The following SEC14L2 variants were observed in gnomAD, a reference collection of about 807,000 sequenced individuals.
SEC14L2 encodes the protein SEC14-like protein 2.
SEC14L2 carries 50 observed loss-of-function variants against 56.9 expected under a neutral mutation model. The observed-to-expected ratio is 0.88, with a 90% CI of 0.70 to 1.11. The LOEUF (loss-of-function observed/expected upper bound fraction) is 1.11, where lower values mean the gene tolerates loss of function less well. Among genes scored for constraint, SEC14L2 ranks in the 50% most tolerant of loss-of-function variants. The pLI, the probability that SEC14L2 is intolerant of heterozygous loss-of-function variation, is 0.00. For synonymous variants in SEC14L2, 179 were observed against 188.5 expected, an observed-to-expected ratio of 0.95 and a Z score of 0.41; for missense variants, 414 against 500.7, an observed-to-expected ratio of 0.83 and a Z score of 1.65.
At chr22:30,407,733 T>A (rs1321487575) in intron 5 of SEC14L2, 130 bp downstream of exon 5, 3 of 781,280 alleles carry the variant, frequency 3.8e-6, no homozygotes, top group Non-Finnish European at 5.5e-6. Context: ...TTTTTTTTAA[T>A]TTTTAAAACT....
intron 11 of SEC14L2, 91 bp downstream of exon 11, chr22:30,416,494 A>G (rs762468444): frequency 6.9e-6 from 11 of 1,603,926 alleles, no homozygotes; most frequent in Non-Finnish European, 9.4e-6. Flanking sequence ...TTTGGCTCTG[A>G]GTGTTAGAAC....
intron 3 of SEC14L2, 74 bp downstream of exon 3, chr22:30,406,459 C>T (rs1353102128): frequency 5.6e-6 from 8 of 1,432,988 alleles, no homozygotes; most frequent in African/African-American, 2.8e-5. Context: ...TTTTGCCGCA[C>T]CTCCCATCCC....
At chr22:30,398,204 A>G (rs1353756540) in intron 1 of SEC14L2, among the ~76,000 whole-genome samples, 2 of 152,124 alleles carry the variant, frequency 1.3e-5, no homozygotes, top group Non-Finnish European at 2.9e-5. Flanking sequence ...TTTACTGCTG[A>G]CTCGCAGGAG....
At chr22:30,416,470 T>C (rs1934395210) in intron 11 of SEC14L2, 67 bp downstream of exon 11, 4 of 1,612,738 alleles carry the variant, frequency 2.5e-6, no homozygotes, top group Admixed American at 1.7e-5. Context: ...GAGGTTCCTC[T>C]TCCTCCATGG....
At chr22:30,411,155 G>A (rs1287927534) in intron 8 of SEC14L2, among the ~76,000 whole-genome samples, 1 of 152,170 alleles carries the variant, frequency 6.6e-6, no homozygotes. Flanking sequence ...TTAGCTATTT[G>A]GAGGCTTAGG....
chr22:30,411,742 C>CAGAAAAAAAAA (rs1934254241), intron 8 of SEC14L2, among the ~76,000 whole-genome samples: 1 of 67,810 alleles, frequency 1.5e-5, no homozygotes, highest in Non-Finnish European at 2.5e-5. Flanking sequence ...GACTCCGTCT[C>CAGAAAAAAAAA]AAAAAAAAAA....
chr22:30,402,571 G>C (rs1190519742), intron 2 of SEC14L2, among the ~76,000 whole-genome samples: 3 of 152,058 alleles, frequency 2.0e-5, no homozygotes, highest in Non-Finnish European at 4.4e-5. Context: ...CAGAAACCTA[G>C]GACTCCAGAC....
chr22:30,403,231 A>T (rs1933990371), intron 2 of SEC14L2, among the ~76,000 whole-genome samples: 1 of 151,930 alleles, frequency 6.6e-6, no homozygotes, highest in Non-Finnish European at 1.5e-5. Context: ...CCCTTTCTCC[A>T]CTGAGGGCTT....
chr22:30,406,724 C>G (rs1008995562), intron 3 of SEC14L2, among the ~76,000 whole-genome samples: 2 of 152,138 alleles, frequency 1.3e-5, no homozygotes, highest in Non-Finnish European at 2.9e-5. Context: ...AAACCTCCCC[C>G]ACCATCCCTG....
At position 30,399,681 on chromosome 22, in the gene SEC14L2, G is replaced by A. The variant is rs34330978; in HGVS notation, c.93G>A (p.Pro31=). The A allele has an allele frequency of 9.3e-6, 15 of 1,613,784 alleles. No individual in the cohort carries two copies. The highest frequency in any genetic ancestry group is 2.7e-5 in the African/African-American group (2 of 74,916). Reference sequence around the variant, plus strand: ...TCCAGGATGTGCTGCCGGCCCTGCCGAATCCAGATGACTATTTTCTCCTGC... The same window carrying A: ...TCCAGGATGTGCTGCCGGCCCTGCCAAATCCAGATGACTATTTTCTCCTGC... ...ENVQDVLPAL[P]NPDDYFLLRW... The change falls in exon 2 of 12, where the codon CCG becomes CCA. Residue 31 remains proline (P), a synonymous_variant. Transcript: ENST00000615189.
At chr22:30,405,186 G>A (rs1934060448) in intron 2 of SEC14L2, among the ~76,000 whole-genome samples, 2 of 152,278 alleles carry the variant, frequency 1.3e-5, no homozygotes, top group South Asian at 4.1e-4. Flanking sequence ...TCAAAGGGAA[G>A]TTATTTGCAT....
At chr22:30,404,953 C>G (rs1489662335) in intron 2 of SEC14L2, among the ~76,000 whole-genome samples, 2 of 151,950 alleles carry the variant, frequency 1.3e-5, no homozygotes, top group Non-Finnish European at 2.9e-5. Flanking sequence ...GCCTGTAATC[C>G]CAGCTACTCA....
At position 30,409,497 on chromosome 22, in the gene SEC14L2, A is replaced by G. The variant is rs781771331; in HGVS notation, c.580+11A>G. On this transcript the variant is annotated intron_variant, in intron 7 of 11. Coordinates refer to ENST00000615189, the MANE Select transcript of SEC14L2 (RefSeq NM_012429.5). ...TTTTTGTTGTTAAAGGTAAGTTGGG[A>G]ATTTCTTGTGATAAAGCCAGATGGA... 1 of 1,613,470 alleles carries G rather than the reference A, an allele frequency of 6.2e-7. No individual in the cohort carries two copies. Among genetic ancestry groups the G allele is most frequent in the South Asian group, 1.1e-5 (1 of 91,066 alleles).
At chr22:30,407,653 C>A in intron 5 of SEC14L2, 50 bp downstream of exon 5, 1 of 1,532,562 alleles carries the variant, frequency 6.5e-7, no homozygotes, top group Non-Finnish European at 8.9e-7. Context: ...CAGAGGCATT[C>A]CAGCAGAAGC....
chr22:30,404,027 AAAG>A (rs1934021968), intron 2 of SEC14L2, among the ~76,000 whole-genome samples: 1 of 132,156 alleles, frequency 7.6e-6, no homozygotes. Flanking sequence ...AAAAAAAAAA[AAAG>A]AAAAAAAAAA....
chr22:30,417,760 G>C (rs887014796), intron 11 of SEC14L2, among the ~76,000 whole-genome samples: 2 of 152,122 alleles, frequency 1.3e-5, no homozygotes, highest in African/African-American at 2.4e-5. Context: ...TTCTACGGTA[G>C]TACCAGCACT....
intron 8 of SEC14L2, among the ~76,000 whole-genome samples, chr22:30,414,764 T>TTA (rs1019378685): frequency 3.5e-5 from 5 of 141,098 alleles, no homozygotes; most frequent in Non-Finnish European, 4.7e-5. Context: ...TTGGGTATTT[T>TTA]AAAAAAAAAA....
Position 30,402,654 on chromosome 22 carries a change from A to G in SEC14L2, c.130+2936A>G, listed in dbSNP as rs530107295. Among the ~76,000 whole-genome samples, 3 of 152,018 alleles carry G rather than the reference A, an allele frequency of 2.0e-5. No homozygotes were observed. In the East Asian group the frequency reaches 5.8e-4, roughly 29 times the overall value. ...AAGCTCAGCCTCTTACAACAGAGGA[A>G]GTGTCTCCTCTGCATTTCATTTGTG... On this transcript the variant is annotated intron_variant, in intron 2 of 11. Transcript: ENST00000615189.
chr22:30,415,632 G>T, intron 8 of SEC14L2, 127 bp from the exon 9 acceptor site: 1 of 732,520 alleles, frequency 1.4e-6, no homozygotes. Flanking sequence ...GCAGGAATTT[G>T]AGGCGGGGTG....
Sources: gnomAD v4.1 joint callset for allele counts (sites outside exome capture counted in the v4.1 genomes callset) on GRCh38, gnomAD v4.1.1 for gene constraint, MANE v1.5 for transcripts, NCBI Gene and HGNC (gene_info 2026-07-23, HGNC 2026-07-21) for gene names.